The following NOL4 variants were observed in gnomAD, a reference collection of about 807,000 sequenced individuals.
NOL4 encodes nucleolar protein 4.
In NOL4, 17 loss-of-function variants were observed where a neutral mutation model predicts 75.9. The observed-to-expected ratio is 0.22, with a 90% CI of 0.15 to 0.34. The LOEUF is 0.34. NOL4 is among the 10% of genes least tolerant of loss of function. The pLI, the probability that NOL4 is intolerant of heterozygous loss-of-function variation, is 1.00. For missense variants in NOL4, 614 were observed against 793.5 expected (o/e 0.77, Z 2.72); for synonymous variants, 292 against 289.9 (o/e 1.01, Z -0.07).
intron 6 of NOL4, among the ~76,000 whole-genome samples, chr18:34,015,166 C>T (rs1280999612): frequency 6.6e-6 from 1 of 151,990 alleles, no homozygotes; most frequent in Non-Finnish European, 1.5e-5. Context: ...AGTATTGATC[C>T]AGATGCGGGA....
intron 10 of NOL4, among the ~76,000 whole-genome samples, chr18:33,873,662 T>C (rs865821159): frequency 6.6e-6 from 1 of 151,994 alleles, no homozygotes; most frequent in Non-Finnish European, 1.5e-5. Context: ...TAATATTTTA[T>C]TGAAGCAATT....
chr18:33,902,829 T>C (rs941142291), intron 9 of NOL4, among the ~76,000 whole-genome samples: 4 of 152,144 alleles, frequency 2.6e-5, no homozygotes, highest in Admixed American at 1.3e-4. Context: ...CCCTATGTTA[T>C]ATTTATAGGT....
At chr18:34,178,046 A>G (rs1555749417) in intron 1 of NOL4, among the ~76,000 whole-genome samples, 1 of 151,884 alleles carries the variant, frequency 6.6e-6, no homozygotes, top group Non-Finnish European at 1.5e-5. Flanking sequence ...TAATTCAATC[A>G]TTATAACCTT....
At chr18:34,089,868 A>AT (rs1362932307) in intron 5 of NOL4, among the ~76,000 whole-genome samples, 1 of 152,142 alleles carries the variant, frequency 6.6e-6, no homozygotes, top group Non-Finnish European at 1.5e-5. Flanking sequence ...ACTGAGTTTG[A>AT]TATACATTCC....
chr18:33,854,199 C>T (rs956739018), intron 10 of NOL4, among the ~76,000 whole-genome samples: 2 of 151,964 alleles, frequency 1.3e-5, no homozygotes, highest in Admixed American at 6.6e-5. Context: ...TTATTTTATC[C>T]TTTTGGTTCT....
At chr18:34,055,647 A>T (rs1375065802) in intron 5 of NOL4, among the ~76,000 whole-genome samples, 2 of 151,976 alleles carry the variant, frequency 1.3e-5, no homozygotes, top group Non-Finnish European at 2.9e-5. Flanking sequence ...TTCTTTCCTC[A>T]AATTTGGGAA....
intron 9 of NOL4, among the ~76,000 whole-genome samples, chr18:33,902,623 C>T (rs2065807633): frequency 6.6e-6 from 1 of 152,044 alleles, no homozygotes; most frequent in Non-Finnish European, 1.5e-5. Flanking sequence ...TAACCTGGGA[C>T]ACACTTTTCC....
intron 6 of NOL4, 128 bp downstream of exon 6, chr18:34,019,190 G>A: frequency 1.3e-6 from 1 of 741,412 alleles, no homozygotes; most frequent in South Asian, 2.0e-5. Context: ...TAAGTTTCTT[G>A]GTATCCTCTT....
chr18:34,113,471 T>C (rs2079703883), intron 2 of NOL4, among the ~76,000 whole-genome samples: 1 of 152,026 alleles, frequency 6.6e-6, no homozygotes, highest in Non-Finnish European at 1.5e-5. Context: ...CCTATCTCTA[T>C]ATAAAATTTT....
intron 5 of NOL4, among the ~76,000 whole-genome samples, chr18:34,044,903 T>C (rs902322734): frequency 6.6e-5 from 10 of 152,158 alleles, no homozygotes; most frequent in African/African-American, 2.2e-4. Flanking sequence ...GCCAAGACTA[T>C]AGTCTGTGCT....
In NOL4 at chr18:33,972,088, C is replaced by T. The variant is rs190267128; in HGVS notation, c.1057-13670G>A. ...TTGAGGCAGGAGAATGGCTTGAACCCGGGAGGTGGAGGTTGCAGTGAGCTG... is the reference window on the plus strand; with the variant it reads ...TTGAGGCAGGAGAATGGCTTGAACCTGGGAGGTGGAGGTTGCAGTGAGCTG... On this transcript the variant is annotated intron_variant, in intron 6 of 10. Transcript: ENST00000261592. 5.5e-3 allele frequency among the ~76,000 whole-genome samples: 826 copies of T among 150,868 alleles called. 2 individuals are homozygous for T. Among genetic ancestry groups the T allele is most frequent in the Middle Eastern group, 0.034 (10 of 292 alleles).
intron 6 of NOL4, among the ~76,000 whole-genome samples, chr18:33,959,323 G>A (rs1372942955): frequency 1.3e-5 from 2 of 151,980 alleles, no homozygotes; most frequent in Non-Finnish European, 2.9e-5. Flanking sequence ...TAAATAAACT[G>A]GCTTTGATCA....
At chr18:33,996,599 T>C (rs1273668888) in intron 6 of NOL4, among the ~76,000 whole-genome samples, 1 of 151,876 alleles carries the variant, frequency 6.6e-6, no homozygotes, top group Non-Finnish European at 1.5e-5. Flanking sequence ...CCAGGATCTG[T>C]TGCTCTCATC....
chr18:33,879,624 T>A (rs1233372556), intron 10 of NOL4, among the ~76,000 whole-genome samples: 1 of 151,960 alleles, frequency 6.6e-6, no homozygotes, highest in Non-Finnish European at 1.5e-5. Flanking sequence ...GAGGTAGCAG[T>A]GAGCCAAGGG....
chr18:33,891,874 C>T (rs917676498), intron 9 of NOL4, among the ~76,000 whole-genome samples: 1 of 152,018 alleles, frequency 6.6e-6, no homozygotes, highest in Non-Finnish European at 1.5e-5. Flanking sequence ...TCAACACTGG[C>T]CTTGTAGGGA....
At chr18:33,907,304 A>C (rs369206990) in intron 9 of NOL4, among the ~76,000 whole-genome samples, 45 of 139,538 alleles carry the variant, frequency 3.2e-4, no homozygotes, top group African/African-American at 1.1e-3. Flanking sequence ...AGCCTGGGCG[A>C]CAGAGCGAGA....
At chr18:34,129,696 A>G (rs2080546432) in intron 2 of NOL4, among the ~76,000 whole-genome samples, 175 bp downstream of exon 2, 1 of 152,092 alleles carries the variant, frequency 6.6e-6, no homozygotes, top group East Asian at 1.9e-4. Flanking sequence ...AATTATATGA[A>G]TAGACTAGTG....
At chr18:34,138,786 C>G (rs1321413138) in intron 1 of NOL4, among the ~76,000 whole-genome samples, 1 of 152,210 alleles carries the variant, frequency 6.6e-6, no homozygotes, top group Admixed American at 6.5e-5. Flanking sequence ...CAGTTTTTGC[C>G]CATTCAGTAT....
chr18:33,883,444 T>G lies in NOL4; in HGVS notation c.1543-20A>C, dbSNP rs201633296. ...CTCATCCTGCAAGGACAGACAGCAT[T>G]CCATTATTTATCACCTCACAGTGCT... is the stretch of plus-strand genomic sequence containing the variant. On this transcript the variant is annotated intron_variant, in intron 9 of 10. Transcript: ENST00000261592. 6.3e-7 allele frequency: 1 copy of G among 1,585,650 alleles called. No individual in the cohort carries two copies. Among genetic ancestry groups the G allele is most frequent in the Admixed American group, 1.8e-5 (1 of 55,394 alleles).
Sources: gnomAD v4.1 joint callset for allele counts (sites outside exome capture counted in the v4.1 genomes callset) on GRCh38, gnomAD v4.1.1 for gene constraint, MANE v1.5 for transcripts, NCBI Gene and HGNC (gene_info 2026-07-23, HGNC 2026-07-21) for gene names.